The following SGCE variants were observed in gnomAD, a reference collection of about 807,000 sequenced individuals.
SGCE encodes sarcoglycan epsilon, also known as epsilon-sarcoglycan.
Under a neutral mutation model 57.8 loss-of-function variants are expected in SGCE, and 26 were observed. The ratio of observed to expected loss-of-function variants is 0.45; its 90% CI spans 0.33 to 0.62. SGCE has a LOEUF of 0.62. Ranked by LOEUF, SGCE falls within the 20% of genes least tolerant of loss-of-function variation. The pLI is 0.02. For missense variants in SGCE, 468 were observed against 548.6 expected, an observed-to-expected ratio of 0.85 and a Z score of 1.47; for synonymous variants, 183 against 189.5, an observed-to-expected ratio of 0.97 and a Z score of 0.28.
chr7:94,614,644 C>G (rs1409181333), intron 5 of SGCE, among the ~76,000 whole-genome samples: 1 of 152,126 alleles, frequency 6.6e-6, no homozygotes, highest in African/African-American at 2.4e-5. Context: ...ACTCAGTCAG[C>G]CTTCAGCTCC....
intron 1 of SGCE, among the ~76,000 whole-genome samples, chr7:94,631,399 TCAC>T (rs1407899354): frequency 6.6e-6 from 1 of 151,936 alleles, no homozygotes; most frequent in Non-Finnish European, 1.5e-5. Flanking sequence ...TTCCAGGAGT[TCAC>T]CATCTGGTAT....
At chr7:94,648,849 T>C (rs867673274) in intron 1 of SGCE, among the ~76,000 whole-genome samples, 12 of 152,216 alleles carry the variant, frequency 7.9e-5, no homozygotes, top group Admixed American at 2.6e-4. Context: ...GCTGAAGAAA[T>C]AGGTAACAAA....
At position 94,597,310 on chromosome 7, in the gene SGCE, G is replaced by A. The variant is rs1416833091; in HGVS notation, c.1253+1465C>T. 2.0e-5 allele frequency: 3 copies of A among 152,120 alleles called. No homozygotes were observed. In the East Asian group the frequency reaches 5.8e-4, roughly 29 times the overall value. The allele number at this position is 152,120 out of a possible 1,614,324, so 9.4% of individuals were successfully genotyped here. On this transcript the variant is annotated intron_variant, in intron 9 of 10. Transcript: ENST00000648936. ...CACCTTAGTCTGTATGACCCTAAGT[G>A]ATGTTAGAGAACTTTAGAAAAATAT...
At chr7:94,594,208 C>G (rs1375059748) in intron 9 of SGCE, among the ~76,000 whole-genome samples, 1 of 152,036 alleles carries the variant, frequency 6.6e-6, no homozygotes, top group African/African-American at 2.4e-5. Context: ...AAACATAACA[C>G]CAGTCACAAC....
chr7:94,638,883 A>G (rs188709588), intron 1 of SGCE, among the ~76,000 whole-genome samples: 134 of 152,330 alleles, frequency 8.8e-4, no homozygotes, highest in East Asian at 6.8e-3. Context: ...AGTAATAGCA[A>G]AACATATCAA....
intron 4 of SGCE, 68 bp from the exon 5 acceptor site, chr7:94,619,024 C>T (rs1562844316): frequency 8.6e-7 from 1 of 1,156,340 alleles, no homozygotes; most frequent in Non-Finnish European, 1.3e-6. Flanking sequence ...AACAAAAGAA[C>T]AATTTGCGAT....
At chr7:94,610,446 C>T (rs1354817379) in intron 5 of SGCE, among the ~76,000 whole-genome samples, 2 of 152,088 alleles carry the variant, frequency 1.3e-5, no homozygotes, top group African/African-American at 4.8e-5. Flanking sequence ...GGAGGCGATG[C>T]AAAAGCAATC....
chr7:94,600,592 A>G lies in SGCE; in HGVS notation c.1037+54T>C, dbSNP rs887276817. ...AACTTTGCTTTTAATGGAATCTTCTATGTTGTTATCTTAGCAGGATCTCTA... is the reference window on the plus strand; with the variant it reads ...AACTTTGCTTTTAATGGAATCTTCTGTGTTGTTATCTTAGCAGGATCTCTA... On this transcript the variant is annotated intron_variant, in intron 7 of 10. Coordinates refer to ENST00000648936, the MANE Select transcript of SGCE (RefSeq NM_003919.3). 5 of 1,324,168 alleles carry G rather than the reference A, an allele frequency of 3.8e-6. No individual in the cohort carries two copies. The South Asian group carries it at 4.9e-5, about 13-fold the overall frequency. 82.0% of individuals were successfully genotyped at this position (1,324,168 alleles called of 1,614,324 possible).
intron 1 of SGCE, among the ~76,000 whole-genome samples, chr7:94,638,910 G>C (rs1805986245): frequency 6.6e-6 from 1 of 152,068 alleles, no homozygotes; most frequent in Admixed American, 6.5e-5. Context: ...TTTGCAACAA[G>C]AATCATCCAA....
At chr7:94,618,600 G>T in intron 5 of SGCE, 158 bp downstream of exon 5, 1 of 624,620 alleles carries the variant, frequency 1.6e-6, no homozygotes, top group Non-Finnish European at 2.7e-6. Context: ...CAACATCTTT[G>T]CCAATATAGA....
rs1285705054 is a variant in SGCE at position 94,603,756 on chromosome 7, G to GATTACTATATTTAGTA, written c.663-320_663-305dup. On this transcript the variant is annotated intron_variant, in intron 5 of 10. Transcript: ENST00000648936. The stretch of plus-strand genomic sequence containing the variant: ...TCAATATAAACATGCATCATATTCT[G>GATTACTATATTTAGTA]ATTACTATATTTAGTAATTACTATA... 3.7e-3 allele frequency among the ~76,000 whole-genome samples: 559 copies of GATTACTATATTTAGTA among 151,812 alleles called. 3 individuals carry two copies. Among genetic ancestry groups the GATTACTATATTTAGTA allele is most frequent in the African/African-American group, 0.013 (527 of 41,322 alleles).
chr7:94,653,958 G>A (rs888088250), intron 1 of SGCE, among the ~76,000 whole-genome samples: 3 of 151,802 alleles, frequency 2.0e-5, no homozygotes, highest in African/African-American at 7.3e-5. Flanking sequence ...GAAAATAATC[G>A]AGGAGAATTA....
intron 1 of SGCE, chr7:94,644,477 G>C (rs1035053577): frequency 5.8e-6 from 2 of 345,736 alleles, no homozygotes; most frequent in Non-Finnish European, 1.1e-5. Context: ...TGTGAATAGT[G>C]ACTGATTGCT....
chr7:94,651,953 TCTCGTACTGCTA>T (rs1055501863), intron 1 of SGCE, among the ~76,000 whole-genome samples: 9 of 152,170 alleles, frequency 5.9e-5, no homozygotes, highest in African/African-American at 2.2e-4. Flanking sequence ...TTTTTTTGTT[TCTCGTACTGCTA>T]CTTTAGGCTT....
intron 1 of SGCE, among the ~76,000 whole-genome samples, chr7:94,633,653 C>T (rs915171024): frequency 6.6e-6 from 1 of 152,064 alleles, no homozygotes; most frequent in Non-Finnish European, 1.5e-5. Flanking sequence ...GCTAGCTAAA[C>T]AATGTCTTGT....
intron 5 of SGCE, chr7:94,618,237 TGAG>T (rs1398319941): frequency 2.6e-5 from 4 of 154,710 alleles, no homozygotes; most frequent in Non-Finnish European, 4.3e-5. Context: ...GTTGAGGCAC[TGAG>T]GAGTTCAGGG....
intron 5 of SGCE, among the ~76,000 whole-genome samples, chr7:94,616,565 CA>C (rs1801961698): frequency 6.6e-6 from 1 of 151,904 alleles, no homozygotes; most frequent in Admixed American, 6.6e-5. Context: ...AAAGAATATA[CA>C]AAGGCAGAAA....
chr7:94,631,312 C>A (rs374620540), intron 1 of SGCE, among the ~76,000 whole-genome samples: 64 of 149,378 alleles, frequency 4.3e-4, no homozygotes, highest in Non-Finnish European at 8.3e-4. Context: ...TTTTTTTTTA[C>A]CAGTTTGATA....
At chr7:94,629,684 C>G in intron 2 of SGCE, 35 bp downstream of exon 2, 1 of 1,607,132 alleles carries the variant, frequency 6.2e-7, no homozygotes, top group Non-Finnish European at 8.5e-7. Context: ...AAATTTAGTA[C>G]GTTAACTGCT....
Sources: allele counts gnomAD v4.1 joint callset (sites outside exome capture counted in the v4.1 genomes callset), GRCh38; gene constraint gnomAD v4.1.1; transcripts MANE v1.5; gene names NCBI Gene and HGNC (gene_info 2026-07-23, HGNC 2026-07-21).